The following ACAP2 variants were observed in gnomAD, a reference collection of about 807,000 sequenced individuals.
ACAP2 encodes the protein arf-GAP with coiled-coil, ANK repeat and PH domain-containing protein 2.
In ACAP2, 39 loss-of-function variants were observed where a neutral mutation model predicts 115.8. The ratio of observed to expected loss-of-function variants is 0.34; its 90% CI spans 0.26 to 0.44. The LOEUF (loss-of-function observed/expected upper bound fraction) is 0.44, where lower values mean the gene tolerates loss of function less well. ACAP2 is among the 20% of genes least tolerant of loss of function. ACAP2 has a pLI of 1.00. For synonymous variants in ACAP2, 289 were observed against 315.8 expected (o/e 0.92, Z 0.90); for missense variants, 662 against 927.6 (o/e 0.71, Z 3.72).
chr3:195,313,504 A>G (rs556704665), intron 10 of ACAP2, among the ~76,000 whole-genome samples: 1 of 152,308 alleles, frequency 6.6e-6, no homozygotes, highest in East Asian at 1.9e-4. Flanking sequence ...ATTTCTCCCA[A>G]TTGCCCATCC....
intron 9 of ACAP2, among the ~76,000 whole-genome samples, chr3:195,323,002 T>C (rs1203542049): frequency 2.0e-5 from 3 of 152,172 alleles, no homozygotes; most frequent in African/African-American, 7.2e-5. Context: ...TAGGAAGGAA[T>C]ACTCAAAGGC....
chr3:195,368,213 G>C (rs910272013), intron 4 of ACAP2, among the ~76,000 whole-genome samples: 1 of 152,066 alleles, frequency 6.6e-6, no homozygotes, highest in Non-Finnish European at 1.5e-5. Flanking sequence ...GCAGTGGCTC[G>C]ATCTCAGCTC....
At chr3:195,393,892 G>C (rs898258917) in intron 1 of ACAP2, among the ~76,000 whole-genome samples, 4 of 141,878 alleles carry the variant, frequency 2.8e-5, no homozygotes, top group African/African-American at 5.1e-5. Context: ...ATTGGGGGGG[G>C]GGGAAGCAAG....
At chr3:195,442,058 C>T (rs1226257136) in intron 1 of ACAP2, 1 of 152,490 alleles carries the variant, frequency 6.6e-6, no homozygotes, top group Non-Finnish European at 1.5e-5. Flanking sequence ...CAGAAATGCA[C>T]TTTTCTGCTA....
chr3:195,307,703 C>G (rs1447630399), intron 11 of ACAP2, among the ~76,000 whole-genome samples: 1 of 152,166 alleles, frequency 6.6e-6, no homozygotes, highest in Non-Finnish European at 1.5e-5. Context: ...TTTATTCAGT[C>G]AAGTTTTAAA....
chr3:195,292,491 C>A (rs886188533), intron 18 of ACAP2, 39 bp from the exon 19 acceptor site: 1 of 1,544,824 alleles, frequency 6.5e-7, no homozygotes, highest in African/African-American at 1.4e-5. Flanking sequence ...AAAATGAGCT[C>A]TTGGCAGAAA....
chr3:195,386,600 C>T lies in ACAP2; in HGVS notation c.112-4578G>A, dbSNP rs568063334. On this transcript the variant is annotated intron_variant, in intron 2 of 22. Transcript: ENST00000326793. ...AAGTAGGAGTTGAACAATGAGAAAA[C>T]ATGGACACAGGGAGGGGAACATTAC... 4.6e-5 allele frequency among the ~76,000 whole-genome samples: 7 copies of T among 152,076 alleles called. No individual in the cohort carries two copies. In the East Asian group the frequency reaches 1.4e-3, roughly 29 times the overall value.
chr3:195,319,581 T>C (rs551483413), intron 10 of ACAP2, among the ~76,000 whole-genome samples: 32 of 152,364 alleles, frequency 2.1e-4, no homozygotes, highest in African/African-American at 7.7e-4. Context: ...TAAGATTTAA[T>C]GACTGCCTGG....
At chr3:195,424,279 ATATATTTTTTTTTTTTTTTTTT>A (rs1714467306) in intron 1 of ACAP2, among the ~76,000 whole-genome samples, 1 of 50,696 alleles carries the variant, frequency 2.0e-5, no homozygotes, top group Admixed American at 3.4e-4. Context: ...ATATATATAT[ATATATTTTTTTTTTTTTTTTTT>A]TTTTTTTTTT....
At chr3:195,387,460 T>C (rs910900533) in intron 2 of ACAP2, among the ~76,000 whole-genome samples, 1 of 152,202 alleles carries the variant, frequency 6.6e-6, no homozygotes, top group Non-Finnish European at 1.5e-5. Context: ...GCTATAATAA[T>C]AAGAAATAAT....
Position 195,295,902 on chromosome 3 carries a change from A to T in ACAP2, c.1488-10T>A. ...TGCCTCCTTCTCCTGTCTGACAGACATAAAAATGTCATGATGTTTTGCTTA... is the reference window on the plus strand; with the variant it reads ...TGCCTCCTTCTCCTGTCTGACAGACTTAAAAATGTCATGATGTTTTGCTTA... On this transcript the variant is annotated splice_polypyrimidine_tract_variant and intron_variant, in intron 16 of 22. Transcript: ENST00000326793. 6.3e-7 allele frequency: 1 copy of T among 1,599,350 alleles called. No homozygotes were observed. Among genetic ancestry groups the T allele is most frequent in the Non-Finnish European group, 8.5e-7 (1 of 1,174,144 alleles).
At chr3:195,338,323 T>A (rs1052442646) in intron 6 of ACAP2, among the ~76,000 whole-genome samples, 2 of 152,126 alleles carry the variant, frequency 1.3e-5, no homozygotes, top group African/African-American at 4.8e-5. Flanking sequence ...TCTCACTCTG[T>A]TGCCCACCCT....
intron 1 of ACAP2, among the ~76,000 whole-genome samples, chr3:195,396,491 G>A (rs1454861697): frequency 6.6e-6 from 1 of 151,632 alleles, no homozygotes; most frequent in Admixed American, 6.6e-5. Context: ...TTATTTTAAA[G>A]AAAAAAGAAG....
intron 4 of ACAP2, among the ~76,000 whole-genome samples, chr3:195,347,187 T>C (rs1377308713): frequency 2.0e-5 from 3 of 152,180 alleles, no homozygotes; most frequent in African/African-American, 7.2e-5. Context: ...TTTAAATGAA[T>C]TAAGAAGAAA....
At chr3:195,347,784 G>A (rs1255877173) in intron 4 of ACAP2, among the ~76,000 whole-genome samples, 1 of 152,134 alleles carries the variant, frequency 6.6e-6, no homozygotes, top group Admixed American at 6.5e-5. Context: ...AAGGTTGGAG[G>A]ATCCCATGAG....
At chr3:195,292,192 C>A in intron 19 of ACAP2, 73 bp downstream of exon 19, 1 of 1,466,026 alleles carries the variant, frequency 6.8e-7, no homozygotes, top group East Asian at 2.4e-5. Flanking sequence ...AATACTAAAG[C>A]CAGTTCAGAA....
chr3:195,403,760 T>A (rs1417649890), intron 1 of ACAP2, among the ~76,000 whole-genome samples: 1 of 152,164 alleles, frequency 6.6e-6, no homozygotes, highest in African/African-American at 2.4e-5. Context: ...AAAGAAGATC[T>A]AGAGTTCAGT....
chr3:195,305,433 C>T (rs1054770460), intron 13 of ACAP2, among the ~76,000 whole-genome samples: 1 of 152,136 alleles, frequency 6.6e-6, no homozygotes, highest in Admixed American at 6.5e-5. Flanking sequence ...AACTACCAAT[C>T]AAATATGAGG....
At chr3:195,392,252 T>C in intron 1 of ACAP2, 105 bp from the exon 2 acceptor site, 2 of 861,516 alleles carry the variant, frequency 2.3e-6, no homozygotes, top group South Asian at 1.6e-5. Flanking sequence ...GCTTAAAAAT[T>C]ACACTTCACA....
Sources: allele counts gnomAD v4.1 joint callset (sites outside exome capture counted in the v4.1 genomes callset), GRCh38; gene constraint gnomAD v4.1.1; transcripts MANE v1.5; gene names NCBI Gene and HGNC (gene_info 2026-07-23, HGNC 2026-07-21).